Variants in ADAMTS17 observed in about 807,000 individuals in gnomAD.
The protein encoded by ADAMTS17 is A disintegrin and metalloproteinase with thrombospondin motifs 17.
A neutral mutation model predicts 141.5 loss-of-function variants in ADAMTS17; 113 were observed. The observed-to-expected ratio is 0.80, with a 90% confidence interval of 0.69 to 0.93. The LOEUF (loss-of-function observed/expected upper bound fraction) is 0.93. Among genes scored for constraint, ADAMTS17 ranks in the 40% least tolerant of loss-of-function variants. The pLI is 0.00. For synonymous variants in ADAMTS17, 768 were observed against 630.6 expected (o/e 1.22, Z -3.27); for missense variants, 1,659 against 1,517.9 (o/e 1.09, Z -1.54).
chr15:100,133,166 G>C, intron 11 of ADAMTS17, 48 bp downstream of exon 11: 1 of 1,511,366 alleles, frequency 6.6e-7, no homozygotes, highest in Non-Finnish European at 9.0e-7. Context: ...CCAGTTGCCT[G>C]CAAGATGTGG....
chr15:100,308,168 G>A (rs188981771), intron 3 of ADAMTS17, among the ~76,000 whole-genome samples: 42 of 152,266 alleles, frequency 2.8e-4, no homozygotes, highest in Non-Finnish European at 4.6e-4. Flanking sequence ...AACGGTCTCC[G>A]CTTTTTCTCC....
At chr15:100,252,592 G>A (rs985628754) in intron 7 of ADAMTS17, among the ~76,000 whole-genome samples, 1 of 152,206 alleles carries the variant, frequency 6.6e-6, no homozygotes, top group African/African-American at 2.4e-5. Flanking sequence ...AACAGCACAT[G>A]CCTGGCAGCC....
At chr15:100,254,461 G>C (rs572239543) in intron 6 of ADAMTS17, among the ~76,000 whole-genome samples, 47 of 152,214 alleles carry the variant, frequency 3.1e-4, no homozygotes, top group Non-Finnish European at 6.0e-4. Flanking sequence ...AAATGTTTTG[G>C]AAGATGTTTG....
At chr15:100,214,377 G>A (rs1031570045) in intron 7 of ADAMTS17, among the ~76,000 whole-genome samples, 2 of 152,184 alleles carry the variant, frequency 1.3e-5, no homozygotes, top group Admixed American at 1.3e-4. Flanking sequence ...ACTTGAATGA[G>A]CTTGTATTAT....
chr15:100,043,809 TGAA>T (rs1185950814), intron 18 of ADAMTS17, among the ~76,000 whole-genome samples: 4 of 152,272 alleles, frequency 2.6e-5, no homozygotes, highest in African/African-American at 4.8e-5. Flanking sequence ...GCTTTTAGTC[TGAA>T]GTGTATTTGG....
intron 15 of ADAMTS17, among the ~76,000 whole-genome samples, chr15:100,063,431 C>T (rs1341419626): frequency 1.3e-5 from 2 of 152,198 alleles, no homozygotes; most frequent in African/African-American, 4.8e-5. Context: ...CTATGATCCT[C>T]CTTCCTGTCC....
rs1344048597 is a variant in ADAMTS17, at chr15:100,330,980, T to C, written c.525A>G (p.Gly175=). The part of the protein sequence containing the change: ...PLNNSQGPFS[G]REHLIRRKWS... ...ATTTGCGCCTGATCAGATGTTCTCG[T>C]CCACTGAATGGGCCCTGGGAGTTGT... The change falls in exon 3 of 22, where the codon GGA becomes GGG. Residue 175 remains glycine, a synonymous_variant. Coordinates refer to ENST00000268070, the MANE Select transcript of ADAMTS17 (RefSeq NM_139057.4). 2.5e-6 allele frequency: 4 copies of C among 1,614,098 alleles called. No individual in the cohort carries two copies. Among genetic ancestry groups the C allele is most frequent in the Non-Finnish European group, 3.4e-6 (4 of 1,180,022 alleles).
chr15:100,071,027 T>C (rs1228246009), intron 15 of ADAMTS17, among the ~76,000 whole-genome samples: 1 of 149,580 alleles, frequency 6.7e-6, no homozygotes, highest in Non-Finnish European at 1.5e-5. Context: ...GAGACAAGAA[T>C]CAAATAGATG....
chr15:100,125,840 TTG>T (rs887141209), intron 12 of ADAMTS17, among the ~76,000 whole-genome samples: 3 of 151,620 alleles, frequency 2.0e-5, no homozygotes, highest in African/African-American at 7.3e-5. Context: ...AAAAAAATAA[TTG>T]TGTGTGGGGG....
At chr15:99,998,519 G>A (rs1294963635) in intron 18 of ADAMTS17, among the ~76,000 whole-genome samples, 2 of 152,158 alleles carry the variant, frequency 1.3e-5, no homozygotes, top group African/African-American at 2.4e-5. Context: ...CAGGAGAATC[G>A]CTTGAACCCA....
intron 3 of ADAMTS17, among the ~76,000 whole-genome samples, chr15:100,307,717 G>A (rs12440646): frequency 0.074 from 11,312 of 152,182 alleles, 744 homozygotes; most frequent in East Asian, 0.24. Context: ...TGAGATAGCC[G>A]ATGTCACGTG....
chr15:100,064,903 A>G (rs2033404828), intron 15 of ADAMTS17, among the ~76,000 whole-genome samples: 2 of 152,212 alleles, frequency 1.3e-5, no homozygotes, highest in Admixed American at 6.5e-5. Context: ...TGTTTCTGCG[A>G]TTCAGATGAG....
intron 19 of ADAMTS17, among the ~76,000 whole-genome samples, chr15:99,995,593 A>G (rs749860259): frequency 6.6e-6 from 1 of 152,172 alleles, no homozygotes; most frequent in East Asian, 1.9e-4. Context: ...TCCTTCTTCT[A>G]ATAAAGTCGG....
intron 15 of ADAMTS17, among the ~76,000 whole-genome samples, chr15:100,090,482 T>C (rs2035388280): frequency 6.6e-6 from 1 of 152,210 alleles, no homozygotes; most frequent in African/African-American, 2.4e-5. Flanking sequence ...GTGCAGCTGA[T>C]GCATGGTATC....
At chr15:100,006,006 T>A (rs916230779) in intron 18 of ADAMTS17, among the ~76,000 whole-genome samples, 4 of 152,058 alleles carry the variant, frequency 2.6e-5, no homozygotes, top group African/African-American at 9.7e-5. Flanking sequence ...GTCCTCTGTG[T>A]GTCTGTGTCC....
chr15:100,243,657 G>C (rs774193566), intron 7 of ADAMTS17, among the ~76,000 whole-genome samples: 2 of 152,238 alleles, frequency 1.3e-5, no homozygotes, highest in African/African-American at 2.4e-5. Flanking sequence ...AGGCGTAATG[G>C]CGCATGCCTG....
intron 7 of ADAMTS17, among the ~76,000 whole-genome samples, chr15:100,211,211 G>C (rs1020583008): frequency 6.6e-6 from 1 of 150,510 alleles, no homozygotes; most frequent in Non-Finnish European, 1.5e-5. Context: ...CTGAAGAAAC[G>C]GTTGCACCTG....
chr15:100,325,142 C>A (rs2045859722), intron 3 of ADAMTS17, among the ~76,000 whole-genome samples: 1 of 152,152 alleles, frequency 6.6e-6, no homozygotes, highest in Non-Finnish European at 1.5e-5. Context: ...TACAGCACCC[C>A]TGGTTCTCAG....
intron 7 of ADAMTS17, among the ~76,000 whole-genome samples, chr15:100,227,487 G>C (rs1340785824): frequency 1.3e-5 from 2 of 152,184 alleles, no homozygotes; most frequent in Non-Finnish European, 2.9e-5. Flanking sequence ...GAAAACAATG[G>C]TTTAATCAGA....
Sources: allele counts gnomAD v4.1 joint callset (sites outside exome capture counted in the v4.1 genomes callset), GRCh38; gene constraint gnomAD v4.1.1; transcripts MANE v1.5; gene names NCBI Gene and HGNC (gene_info 2026-07-23, HGNC 2026-07-21).